PDE4D: variants seen among roughly 807,000 people sequenced by gnomAD.
PDE4D encodes the protein 3',5'-cyclic-AMP phosphodiesterase 4D.
PDE4D carries 24 observed loss-of-function variants against 87.4 expected under a neutral mutation model. The observed-to-expected ratio is 0.27, with a 90% CI of 0.20 to 0.39. The LOEUF is 0.39. PDE4D is among the 10% of genes least tolerant of loss of function. The pLI is 1.00. For synonymous variants in PDE4D, 384 were observed against 383.2 expected (o/e 1.00, Z -0.02); for missense variants, 714 against 1,041.0 (o/e 0.69, Z 4.32).
At chr5:59,752,528 T>C (rs1292239540) in intron 1 of PDE4D, among the ~76,000 whole-genome samples, 1 of 152,130 alleles carries the variant, frequency 6.6e-6, no homozygotes, top group Admixed American at 6.6e-5. Context: ...GTGAATGAGG[T>C]AGAACTGGTT....
intron 1 of PDE4D, among the ~76,000 whole-genome samples, chr5:59,331,343 T>C (rs1012796090): frequency 6.6e-6 from 1 of 152,162 alleles, no homozygotes; most frequent in African/African-American, 2.4e-5. Context: ...TCTTGGCTTG[T>C]AGATGGCCAT....
intron 1 of PDE4D, among the ~76,000 whole-genome samples, chr5:60,205,906 G>T (rs924898185): frequency 6.6e-6 from 1 of 152,036 alleles, no homozygotes; most frequent in African/African-American, 2.4e-5. Flanking sequence ...AACAAAAAAA[G>T]AAAAGGCAAT....
At chr5:59,853,496 T>G (rs1393824207) in intron 1 of PDE4D, among the ~76,000 whole-genome samples, 1 of 152,096 alleles carries the variant, frequency 6.6e-6, no homozygotes, top group Admixed American at 6.6e-5. Flanking sequence ...TCTTTTCAGT[T>G]TCCTATGCAT....
intron 2 of PDE4D, among the ~76,000 whole-genome samples, chr5:60,136,380 G>A (rs1780052095): frequency 6.6e-6 from 1 of 151,562 alleles, no homozygotes; most frequent in South Asian, 2.1e-4. Flanking sequence ...GCACTGGCAT[G>A]ATCTCAGCTC....
At chr5:60,089,056 T>C (rs1774830093) in intron 2 of PDE4D, among the ~76,000 whole-genome samples, 1 of 151,828 alleles carries the variant, frequency 6.6e-6, no homozygotes, top group African/African-American at 2.4e-5. Context: ...AGACCTTAAG[T>C]CAAGGACAGT....
At chr5:59,802,396 CTTTTTT>C (rs60356253) in intron 1 of PDE4D, among the ~76,000 whole-genome samples, 10 of 110,386 alleles carry the variant, frequency 9.1e-5, no homozygotes, top group Middle Eastern at 9.7e-3. Flanking sequence ...CTTCCATATT[CTTTTTT>C]TTTTTTTTTT....
chr5:60,168,555 C>T (rs1783137335), intron 2 of PDE4D, among the ~76,000 whole-genome samples: 1 of 152,182 alleles, frequency 6.6e-6, no homozygotes, highest in Admixed American at 6.5e-5. Flanking sequence ...CCCTTGGTAT[C>T]CGTGGGAGAT....
intron 1 of PDE4D, among the ~76,000 whole-genome samples, chr5:60,288,269 T>C (rs937806825): frequency 3.3e-5 from 5 of 152,218 alleles, no homozygotes; most frequent in Non-Finnish European, 7.3e-5. Context: ...ATCAAATACT[T>C]ACAGGAGGAG....
chr5:59,091,240 G>A, intron 5 of PDE4D: 1 of 403,254 alleles, frequency 2.5e-6, no homozygotes, highest in South Asian at 1.9e-5. Flanking sequence ...CTTATCTGCT[G>A]AAGTTAAAGA....
chr5:60,146,722 G>C (rs146101788), intron 2 of PDE4D, among the ~76,000 whole-genome samples: 1 of 152,110 alleles, frequency 6.6e-6, no homozygotes, highest in Non-Finnish European at 1.5e-5. Flanking sequence ...ATTTGCATCC[G>C]ATATGAATAT....
At chr5:59,105,041 G>C (rs909745608) in intron 5 of PDE4D, among the ~76,000 whole-genome samples, 2 of 152,126 alleles carry the variant, frequency 1.3e-5, no homozygotes, top group Non-Finnish European at 2.9e-5. Context: ...TACTTCTGTC[G>C]TGCTATCCAA....
At chr5:59,371,332 T>C (rs1783901770) in intron 1 of PDE4D, among the ~76,000 whole-genome samples, 1 of 152,286 alleles carries the variant, frequency 6.6e-6, no homozygotes, top group South Asian at 2.1e-4. Flanking sequence ...AGAATTAATT[T>C]CAGAACAATT....
intron 1 of PDE4D, among the ~76,000 whole-genome samples, chr5:59,676,041 T>C (rs16890093): frequency 0.018 from 2,710 of 152,178 alleles, 80 homozygotes; most frequent in African/African-American, 0.062. Context: ...CATTTATATA[T>C]TTAGAACACC....
intron 7 of PDE4D, among the ~76,000 whole-genome samples, chr5:58,992,951 A>G (rs914643238): frequency 2.0e-4 from 30 of 152,114 alleles, no homozygotes; most frequent in African/African-American, 6.8e-4. Flanking sequence ...TCTGCCCACC[A>G]GTTTACTAGG....
intron 1 of PDE4D, among the ~76,000 whole-genome samples, chr5:60,359,752 A>G (rs1053000686): frequency 1.3e-5 from 2 of 152,268 alleles, no homozygotes; most frequent in Admixed American, 1.3e-4. Flanking sequence ...GTTGCACACT[A>G]TCTGTGCATT....
Position 59,515,731 on chromosome 5 carries a change from T to C in PDE4D, c.456-299763A>G, listed in dbSNP as rs116242820. Among the ~76,000 whole-genome samples, 410 of 152,312 alleles carry C rather than the reference T, an allele frequency of 2.7e-3. 2 individuals carry two copies. Among genetic ancestry groups the C allele is most frequent in the African/African-American group, 9.2e-3 (383 of 41,570 alleles). On this transcript the variant is annotated intron_variant, in intron 1 of 14. Transcript: ENST00000340635. Reference sequence around the variant, plus strand: ...CTACAGTGGATGTGAATAAAAAATGTATAAGATCTTCGTAACAAAATGTAT... The same window carrying C: ...CTACAGTGGATGTGAATAAAAAATGCATAAGATCTTCGTAACAAAATGTAT...
At chr5:59,669,209 T>C (rs1561442806) in intron 1 of PDE4D, among the ~76,000 whole-genome samples, 2 of 152,150 alleles carry the variant, frequency 1.3e-5, no homozygotes, top group Non-Finnish European at 2.9e-5. Flanking sequence ...CCTCCCAGGT[T>C]CAAGCAATTC....
At chr5:59,544,111 G>A (rs988636479) in intron 1 of PDE4D, among the ~76,000 whole-genome samples, 8 of 152,150 alleles carry the variant, frequency 5.3e-5, no homozygotes, top group African/African-American at 1.7e-4. Flanking sequence ...CATAAATCCT[G>A]TAGTGGCAGG....
intron 1 of PDE4D, among the ~76,000 whole-genome samples, chr5:59,888,464 G>T (rs147215496): frequency 1.2e-3 from 182 of 152,196 alleles, no homozygotes; most frequent in African/African-American, 4.2e-3. Context: ...AAGAATAAAA[G>T]GTTCAAACTA....
Sources: gnomAD v4.1 joint callset for allele counts (sites outside exome capture counted in the v4.1 genomes callset) on GRCh38, gnomAD v4.1.1 for gene constraint, MANE v1.5 for transcripts, NCBI Gene and HGNC (gene_info 2026-07-23, HGNC 2026-07-21) for gene names.